GNG2: variants seen among roughly 807,000 people sequenced by gnomAD.
GNG2 encodes the protein G protein subunit gamma 2.
In GNG2, 5 loss-of-function variants were observed where a neutral mutation model predicts 5.5. That is an observed-to-expected ratio of 0.91 (90% CI 0.48 to 1.92). The LOEUF is 1.92. GNG2 is among the 30% of genes most tolerant of loss of function. GNG2 has a pLI of 0.01. For missense variants in GNG2, 55 were observed against 88.4 expected, an observed-to-expected ratio of 0.62 and a Z score of 1.52; for synonymous variants, 28 against 32.0, an observed-to-expected ratio of 0.88 and a Z score of 0.42.
rs185901185 is a variant in GNG2 at position 51,896,265 on chromosome 14, T to C, written c.-30+18608T>C. On this transcript the variant is annotated intron_variant, in intron 2 of 3. Transcript: ENST00000556766. ...AAAAGGAAGAGAGGAAGGGAACTAATATTTAGAGAACATCTATAATTATCA... is the reference window on the plus strand; with the variant it reads ...AAAAGGAAGAGAGGAAGGGAACTAACATTTAGAGAACATCTATAATTATCA... 7.5e-3 allele frequency among the ~76,000 whole-genome samples: 1,145 copies of C among 152,374 alleles called. 11 individuals are homozygous for C. Among genetic ancestry groups the C allele is most frequent in the Middle Eastern group, 0.014 (4 of 294 alleles).
intron 2 of GNG2, among the ~76,000 whole-genome samples, chr14:51,943,317 C>T (rs1460993180): frequency 2.0e-5 from 3 of 152,138 alleles, no homozygotes; most frequent in African/African-American, 7.2e-5. Context: ...ACATGATTTT[C>T]TCAGCATATT....
chr14:51,836,857 T>G (rs1029810863), intron 2 of GNG2, among the ~76,000 whole-genome samples: 3 of 6,734 alleles, frequency 4.5e-4, no homozygotes, highest in African/African-American at 5.9e-4. Flanking sequence ...TGACTTCATC[T>G]TTTTTTTTTT....
At chr14:51,914,112 G>C in intron 2 of GNG2, 4 of 649,954 alleles carry the variant, frequency 6.2e-6, no homozygotes, top group Non-Finnish European at 1.1e-5. Flanking sequence ...TTTTGCAGAA[G>C]ATATTGAAAT....
At chr14:51,923,911 C>G (rs926040292) in intron 2 of GNG2, among the ~76,000 whole-genome samples, 5 of 152,160 alleles carry the variant, frequency 3.3e-5, no homozygotes, top group African/African-American at 1.2e-4. Context: ...TCATGCGGGT[C>G]AGCAGGAACG....
intron 1 of GNG2, among the ~76,000 whole-genome samples, chr14:51,875,947 C>CTTTTT (rs10529707): frequency 7.1e-6 from 1 of 141,126 alleles, no homozygotes; most frequent in Non-Finnish European, 1.5e-5. Context: ...ACATTTTTTT[C>CTTTTT]TTTTTTCCGA....
At chr14:51,892,553 C>T (rs1884929226) in intron 2 of GNG2, among the ~76,000 whole-genome samples, 1 of 152,176 alleles carries the variant, frequency 6.6e-6, no homozygotes, top group South Asian at 2.1e-4. Flanking sequence ...CCAATCTCAG[C>T]CTACTCCCAA....
At chr14:51,919,452 C>A (rs1886877062) in intron 2 of GNG2, among the ~76,000 whole-genome samples, 1 of 152,188 alleles carries the variant, frequency 6.6e-6, no homozygotes, top group Non-Finnish European at 1.5e-5. Flanking sequence ...TTTTATCTAG[C>A]CTTTCAAGCA....
chr14:51,830,325 C>T (rs1881147130), intron 2 of GNG2, among the ~76,000 whole-genome samples: 1 of 152,144 alleles, frequency 6.6e-6, no homozygotes. Flanking sequence ...TCCATACCCC[C>T]TTATTGAGCT....
At chr14:51,927,139 T>C (rs1887378113) in intron 2 of GNG2, among the ~76,000 whole-genome samples, 1 of 152,174 alleles carries the variant, frequency 6.6e-6, no homozygotes, top group South Asian at 2.1e-4. Context: ...TCATGTTATT[T>C]ACTGTTATTT....
chr14:51,875,287 A>G (rs947797035), intron 1 of GNG2, among the ~76,000 whole-genome samples: 12 of 152,216 alleles, frequency 7.9e-5, no homozygotes, highest in Non-Finnish European at 1.3e-4. Context: ...GCTCTGCTAT[A>G]ACCGGCAGGA....
At chr14:51,901,557 C>T (rs959015144) in intron 2 of GNG2, among the ~76,000 whole-genome samples, 7 of 152,032 alleles carry the variant, frequency 4.6e-5, no homozygotes, top group African/African-American at 7.2e-5. Context: ...GTGACCATGG[C>T]GGGGTAGTGG....
intron 2 of GNG2, among the ~76,000 whole-genome samples, chr14:51,935,041 T>TTTTGAG (rs1373738135): frequency 6.9e-6 from 1 of 145,690 alleles, no homozygotes; most frequent in African/African-American, 2.6e-5. Context: ...TTTTTTTTTT[T>TTTTGAG]GGAGACGGAG....
chr14:51,941,719 T>C (rs1202318486), intron 2 of GNG2, among the ~76,000 whole-genome samples: 1 of 152,232 alleles, frequency 6.6e-6, no homozygotes, highest in African/African-American at 2.4e-5. Flanking sequence ...AAATGTATGG[T>C]TTCTTAACAG....
chr14:51,933,418 A>G (rs961760997), intron 2 of GNG2, among the ~76,000 whole-genome samples: 1 of 152,232 alleles, frequency 6.6e-6, no homozygotes, highest in African/African-American at 2.4e-5. Context: ...AACTCTTTCA[A>G]GTTGTCTATA....
chr14:51,964,227 G>C (rs1326244822), intron 3 of GNG2, among the ~76,000 whole-genome samples: 1 of 152,170 alleles, frequency 6.6e-6, no homozygotes, highest in Non-Finnish European at 1.5e-5. Context: ...GGCACTAGGA[G>C]AGAAGCATGG....
intron 2 of GNG2, among the ~76,000 whole-genome samples, chr14:51,905,772 C>G (rs534801553): frequency 6.6e-6 from 1 of 151,998 alleles, no homozygotes; most frequent in African/African-American, 2.4e-5. Context: ...GGAAGTTTCC[C>G]CCATCCTGTT....
chr14:51,914,554 A>G (rs1886497529), intron 2 of GNG2, among the ~76,000 whole-genome samples: 1 of 152,154 alleles, frequency 6.6e-6, no homozygotes, highest in South Asian at 2.1e-4. Flanking sequence ...TAAAGCTTTA[A>G]CTAGACCACA....
At chr14:51,858,160 TTGCAAACTTGGTA>T (rs1488959504), upstream of GNG2, among the ~76,000 whole-genome samples, 1 of 152,142 alleles carries the variant, frequency 6.6e-6, no homozygotes, top group African/African-American at 2.4e-5. Context: ...AATTAACACT[TTGCAAACTTGGTA>T]TGCAAACTTG....
At position 51,966,719 on chromosome 14, in the gene GNG2, C is replaced by T. The variant is rs757891912; in HGVS notation, c.*32C>T. 135 of 1,601,548 alleles carry T rather than the reference C, an allele frequency of 8.4e-5. 1 individual carries two copies. In the Middle Eastern group the frequency reaches 7.4e-3, roughly 88 times the overall value. Reference sequence around the variant, plus strand: ...GAGAGGGGCCTGAAGAGCCTCCGGGCTCCTGGGACATTGATGTAGAGTTTT... The same window carrying T: ...GAGAGGGGCCTGAAGAGCCTCCGGGTTCCTGGGACATTGATGTAGAGTTTT... On this transcript the variant is annotated 3_prime_UTR_variant, in exon 4 of 4. Transcript: ENST00000556766.
Sources: allele counts gnomAD v4.1 joint callset (sites outside exome capture counted in the v4.1 genomes callset), GRCh38; gene constraint gnomAD v4.1.1; transcripts MANE v1.5; gene names NCBI Gene and HGNC (gene_info 2026-07-23, HGNC 2026-07-21).